TGFB2: variants seen among roughly 807,000 people sequenced by gnomAD.
TGFB2 encodes the protein transforming growth factor beta 2.
Under a neutral mutation model 42.7 loss-of-function variants are expected in TGFB2, and 13 were observed. The ratio of observed to expected loss-of-function variants is 0.30; its 90% CI spans 0.20 to 0.48. TGFB2 has a LOEUF of 0.48. Ranked by LOEUF, TGFB2 falls within the 20% of genes least tolerant of loss-of-function variation. The pLI, the probability that TGFB2 is intolerant of heterozygous loss-of-function variation, is 0.99. For missense variants in TGFB2, 390 were observed against 517.5 expected (o/e 0.75, Z 2.39); for synonymous variants, 193 against 193.6 (o/e 1.00, Z 0.03).
In TGFB2 at chr1:218,442,436, T is replaced by C. The variant is rs1406314087; in HGVS notation, c.*1074T>C. The stretch of plus-strand genomic sequence containing the variant: ...ATGTGTAATGTGTAAATTTTTACCA[T>C]ATTTTTTATATTCTGTAATAATGTC... On this transcript the variant is annotated 3_prime_UTR_variant, in exon 7 of 7. Transcript: ENST00000366930. 6.6e-6 allele frequency: 1 copy of C among 152,192 alleles called. No homozygotes were observed. Among genetic ancestry groups the C allele is most frequent in the Non-Finnish European group, 1.5e-5 (1 of 68,006 alleles). The allele number at this position is 152,192 out of a possible 1,614,324, so 9.4% of individuals were successfully genotyped here.
At chr1:218,355,086 C>T (rs1250709066) in intron 1 of TGFB2, among the ~76,000 whole-genome samples, 1 of 152,052 alleles carries the variant, frequency 6.6e-6, no homozygotes, top group Non-Finnish European at 1.5e-5. Flanking sequence ...TGTTTTTAGT[C>T]AAGATGGGGT....
At chr1:218,357,766 G>A (rs1003413656) in intron 1 of TGFB2, among the ~76,000 whole-genome samples, 2 of 152,276 alleles carry the variant, frequency 1.3e-5, no homozygotes, top group South Asian at 2.1e-4. Flanking sequence ...TTCCACTAGC[G>A]TGTCCCCGTC....
At chr1:218,371,912 G>A (rs1443545045) in intron 1 of TGFB2, among the ~76,000 whole-genome samples, 4 of 152,172 alleles carry the variant, frequency 2.6e-5, no homozygotes, top group African/African-American at 9.7e-5. Context: ...ACCCACCAGG[G>A]TGATTGTTTA....
intron 1 of TGFB2, among the ~76,000 whole-genome samples, chr1:218,360,491 C>A (rs965177298): frequency 1.3e-5 from 2 of 152,086 alleles, no homozygotes; most frequent in Non-Finnish European, 2.9e-5. Flanking sequence ...GTGAGGGGAA[C>A]AACACACACT....
intron 6 of TGFB2, 33 bp downstream of exon 6, chr1:218,437,529 T>C: frequency 7.6e-6 from 12 of 1,583,100 alleles, no homozygotes; most frequent in Non-Finnish European, 9.4e-6. Context: ...GCCTCTGTTC[T>C]TGGGTTACCA....
intron 2 of TGFB2, among the ~76,000 whole-genome samples, chr1:218,431,240 G>T (rs1479470175): frequency 2.0e-5 from 3 of 152,208 alleles, no homozygotes; most frequent in East Asian, 3.8e-4. Flanking sequence ...TGTTTTCTGA[G>T]CCTACCAGTG....
intron 1 of TGFB2, among the ~76,000 whole-genome samples, chr1:218,386,637 T>C (rs1558239066): frequency 1.3e-5 from 2 of 152,174 alleles, no homozygotes; most frequent in Non-Finnish European, 2.9e-5. Context: ...CATTCTGGTT[T>C]GTTTGATTCT....
At chr1:218,396,155 G>C (rs142674275) in intron 1 of TGFB2, among the ~76,000 whole-genome samples, 2 of 152,296 alleles carry the variant, frequency 1.3e-5, no homozygotes, top group African/African-American at 4.8e-5. Context: ...GACCATCATA[G>C]TCTAGGGCAG....
Position 218,345,973 on chromosome 1 carries a change from G to C in TGFB2, c.-729G>C, listed in dbSNP as rs1447185355. Among the ~76,000 whole-genome samples, 1 of 151,666 alleles carries C rather than the reference G, an allele frequency of 6.6e-6. No homozygotes were observed. The highest frequency in any genetic ancestry group is 1.5e-5 in the Non-Finnish European group (1 of 67,886). ...CCTCAGCAGCCTCTGCGGCCCCTGC[G>C]GCACCCGACCGAGTACCGAGCGCCC... On this transcript the variant is annotated 5_prime_UTR_variant, in exon 1 of 7. Transcript: ENST00000366930.
At chr1:218,399,992 T>C (rs1338404711) in intron 1 of TGFB2, among the ~76,000 whole-genome samples, 4 of 152,140 alleles carry the variant, frequency 2.6e-5, no homozygotes, top group Admixed American at 2.0e-4. Context: ...CTTCATTATA[T>C]AGATGAAGAA....
chr1:218,393,126 T>C (rs556442725), intron 1 of TGFB2, among the ~76,000 whole-genome samples: 6 of 152,308 alleles, frequency 3.9e-5, no homozygotes, highest in African/African-American at 1.4e-4. Context: ...GCTACACCCA[T>C]TAAGCATGTC....
At chr1:218,430,122 A>T (rs1472266669) in intron 2 of TGFB2, among the ~76,000 whole-genome samples, 1 of 152,152 alleles carries the variant, frequency 6.6e-6, no homozygotes, top group Non-Finnish European at 1.5e-5. Flanking sequence ...GATAAGATAC[A>T]TAAAGAGGCC....
intron 1 of TGFB2, among the ~76,000 whole-genome samples, chr1:218,404,700 A>G (rs1335460356): frequency 1.3e-5 from 2 of 152,236 alleles, no homozygotes; most frequent in African/African-American, 4.8e-5. Context: ...GATTCGATAT[A>G]TGAGCCTGGT....
intron 1 of TGFB2, among the ~76,000 whole-genome samples, chr1:218,402,735 T>A (rs1571872924): frequency 6.6e-6 from 1 of 152,310 alleles, no homozygotes; most frequent in East Asian, 1.9e-4. Context: ...TGTTTACTCT[T>A]CCTAACGACA....
At chr1:218,365,038 C>T (rs1657342384) in intron 1 of TGFB2, among the ~76,000 whole-genome samples, 1 of 152,128 alleles carries the variant, frequency 6.6e-6, no homozygotes, top group Admixed American at 6.5e-5. Flanking sequence ...GTCCCTGGTA[C>T]TTAAGACACA....
chr1:218,357,448 T>C (rs1250582364), intron 1 of TGFB2, among the ~76,000 whole-genome samples: 1 of 152,164 alleles, frequency 6.6e-6, no homozygotes, highest in Non-Finnish European at 1.5e-5. Context: ...GGAAAAACAT[T>C]GCTGTCCAAG....
intron 1 of TGFB2, among the ~76,000 whole-genome samples, chr1:218,355,319 GCA>G (rs1290256988): frequency 6.6e-6 from 1 of 152,186 alleles, no homozygotes; most frequent in African/African-American, 2.4e-5. Context: ...TATACAATGA[GCA>G]TGATGACTTT....
At position 218,345,981 on chromosome 1, in the gene TGFB2, A is replaced by C. The variant is rs1008055165; in HGVS notation, c.-721A>C. Among the ~76,000 whole-genome samples, 68 of 151,456 alleles carry C rather than the reference A, an allele frequency of 4.5e-4. No individual in the cohort carries two copies. Among genetic ancestry groups the C allele is most frequent in the African/African-American group, 1.6e-3 (67 of 41,232 alleles). On this transcript the variant is annotated 5_prime_UTR_variant, in exon 1 of 7. Transcript: ENST00000366930. ...GCCTCTGCGGCCCCTGCGGCACCCG[A>C]CCGAGTACCGAGCGCCCTGCGAAGC...
chr1:218,349,672 C>G (rs1264998304), intron 1 of TGFB2, among the ~76,000 whole-genome samples: 1 of 152,112 alleles, frequency 6.6e-6, no homozygotes, highest in Non-Finnish European at 1.5e-5. Flanking sequence ...TTGCTGATAG[C>G]CCTTTGTGGG....
Sources: gnomAD v4.1 joint callset for allele counts (sites outside exome capture counted in the v4.1 genomes callset) on GRCh38, gnomAD v4.1.1 for gene constraint, MANE v1.5 for transcripts, NCBI Gene and HGNC (gene_info 2026-07-23, HGNC 2026-07-21) for gene names.